The following LRRC9 variants were observed in gnomAD, a reference collection of about 807,000 sequenced individuals.
LRRC9 encodes leucine rich repeat containing 9.
In LRRC9, 122 loss-of-function variants were observed where a neutral mutation model predicts 63.2. The observed-to-expected ratio is 1.93, with a 90% CI of 1.67 to 2.24. LRRC9 has a LOEUF of 2.24. LRRC9 is among the 30% of genes most tolerant of loss of function. LRRC9 has a pLI of 0.00. For synonymous variants in LRRC9, 366 were observed against 213.1 expected (o/e 1.72, Z -6.25); for missense variants, 1,071 against 627.7 (o/e 1.71, Z -7.55).
At chr14:60,011,838 G>A (rs893202833) in intron 23 of LRRC9, among the ~76,000 whole-genome samples, 3 of 152,200 alleles carry the variant, frequency 2.0e-5, no homozygotes, top group Non-Finnish European at 4.4e-5. Flanking sequence ...ATTTGGGGGT[G>A]TAAGATGATT....
chr14:59,976,818 T>C (rs957410597), intron 13 of LRRC9, among the ~76,000 whole-genome samples: 9 of 152,214 alleles, frequency 5.9e-5, no homozygotes, highest in African/African-American at 1.9e-4. Context: ...GAAAATGAAA[T>C]GTTTATTCAT....
intron 31 of LRRC9, chr14:60,062,021 CA>C (rs1894687639): frequency 2.5e-6 from 1 of 398,402 alleles, no homozygotes; most frequent in Non-Finnish European, 4.4e-6. Flanking sequence ...ACAAAAAAAA[CA>C]AGAATGCTGG....
At position 59,978,655 on chromosome 14, in the gene LRRC9, T is replaced by C. The variant is rs80054085; in HGVS notation, c.1878+523T>C. Among the ~76,000 whole-genome samples the C allele has an allele frequency of 3.8e-3, 582 of 152,304 alleles. 4 individuals are homozygous for C. The highest frequency in any genetic ancestry group is 5.4e-3 in the Non-Finnish European group (370 of 68,002). ...TCATTATTTTGGTGGCTGCATATTA[T>C]TCAGTAATACTAATTTATTCAACTA... On this transcript the variant is annotated intron_variant, in intron 15 of 31. Transcript: ENST00000445360.
rs527625605 is a variant in LRRC9, at chr14:59,955,742, T to C, written c.883-4076T>C. On this transcript the variant is annotated intron_variant, in intron 8 of 31. Transcript: ENST00000445360. The stretch of plus-strand genomic sequence containing the variant: ...CTTAATTGTGATGTTAGGGTGTCGA[T>C]TTTAGATCTTTCTAGCTTTCTGTTG... Among the ~76,000 whole-genome samples the C allele has an allele frequency of 1.2e-4, 19 of 152,308 alleles. No individual in the cohort carries two copies. The South Asian group carries it at 3.9e-3, about 32-fold the overall frequency.
chr14:60,002,725 C>T (rs570155414), intron 20 of LRRC9, among the ~76,000 whole-genome samples: 17 of 152,218 alleles, frequency 1.1e-4, no homozygotes, highest in African/African-American at 4.1e-4. Flanking sequence ...GCCTTGACTG[C>T]GTTCGCCACA....
intron 29 of LRRC9, among the ~76,000 whole-genome samples, chr14:60,041,781 T>C (rs74552578): frequency 6.6e-6 from 1 of 152,242 alleles, no homozygotes; most frequent in African/African-American, 2.4e-5. Flanking sequence ...AGCTTTGTTC[T>C]GTTGCTGGCG....
chr14:59,943,835 A>C (rs1202085765), intron 7 of LRRC9, among the ~76,000 whole-genome samples: 2 of 152,054 alleles, frequency 1.3e-5, no homozygotes, highest in East Asian at 3.8e-4. Context: ...TAGAAAATAT[A>C]TGTCTAAGAG....
At chr14:59,994,940 A>T (rs1044265653) in intron 17 of LRRC9, among the ~76,000 whole-genome samples, 1 of 152,082 alleles carries the variant, frequency 6.6e-6, no homozygotes, top group African/African-American at 2.4e-5. Flanking sequence ...GCACACCAAC[A>T]TGGCACATGT....
rs1299964892 is a variant in LRRC9, at chr14:60,058,286, C to T, written c.4276+264C>T. ...CACTTGCAATGTGAACTTTGTGATA[C>T]TTGAACAATTATTTCCTGACATATC... is the stretch of plus-strand genomic sequence containing the variant. On this transcript the variant is annotated intron_variant, in intron 31 of 31. Coordinates refer to ENST00000445360, the Ensembl canonical transcript of LRRC9. This position sits in a 1 kb window ranked among gnomAD's most constrained non-coding sequence, Gnocchi z 4.4. 6.6e-6 allele frequency among the ~76,000 whole-genome samples: 1 copy of T among 152,062 alleles called. No homozygotes were observed. The highest frequency in any genetic ancestry group is 1.5e-5 in the Non-Finnish European group (1 of 67,976).
At chr14:59,974,184 A>C (rs1043996202) in intron 12 of LRRC9, among the ~76,000 whole-genome samples, 1 of 152,118 alleles carries the variant, frequency 6.6e-6, no homozygotes, top group African/African-American at 2.4e-5. Context: ...TATTAGCCCC[A>C]AAAATTATAG....
intron 29 of LRRC9, among the ~76,000 whole-genome samples, chr14:60,047,404 A>T (rs934429008): frequency 1.3e-5 from 2 of 152,096 alleles, no homozygotes; most frequent in Non-Finnish European, 2.9e-5. Context: ...TGTCTTTAAG[A>T]GATCCATCTC....
chr14:60,049,953 C>T (rs892263152), intron 29 of LRRC9, among the ~76,000 whole-genome samples: 1 of 151,836 alleles, frequency 6.6e-6, no homozygotes, highest in African/African-American at 2.4e-5. Context: ...TTTGTTCATG[C>T]CTTTTTGTTC....
At chr14:59,974,292 G>A (rs1471563070) in intron 12 of LRRC9, among the ~76,000 whole-genome samples, 1 of 152,070 alleles carries the variant, frequency 6.6e-6, no homozygotes, top group Non-Finnish European at 1.5e-5. Flanking sequence ...GAAAGCTATT[G>A]CTCCTGCTCC....
intron 17 of LRRC9, among the ~76,000 whole-genome samples, chr14:59,989,557 A>C (rs1265079143): frequency 6.6e-6 from 1 of 151,844 alleles, no homozygotes; most frequent in Admixed American, 6.6e-5. Flanking sequence ...TTATATTGTT[A>C]TTTTATGTCT....
intron 1 of LRRC9, among the ~76,000 whole-genome samples, chr14:59,925,379 G>T (rs1889125167): frequency 6.6e-6 from 1 of 152,178 alleles, no homozygotes; most frequent in Non-Finnish European, 1.5e-5. Flanking sequence ...GCCTCCTCTG[G>T]AGAGAAGGAA....
chr14:60,007,142 T>C (rs1889874727), intron 22 of LRRC9, among the ~76,000 whole-genome samples: 2 of 152,206 alleles, frequency 1.3e-5, no homozygotes, highest in Non-Finnish European at 2.9e-5. Flanking sequence ...CTATGGGTCT[T>C]ACACTGGCCT....
chr14:59,947,384 T>C (rs1282118576), intron 8 of LRRC9, among the ~76,000 whole-genome samples: 1 of 120,782 alleles, frequency 8.3e-6, no homozygotes, highest in Non-Finnish European at 1.7e-5. Flanking sequence ...TTTGTTTGAG[T>C]TCATTGTAGA....
In LRRC9 at chr14:59,942,405, T is replaced by C. The variant is rs1386266397; in HGVS notation, c.727-2184T>C. ...CTATGGAAGTTCTACTTTTAATTTT[T>C]TGAGAAAACGCCATCCTGTTTTTCA... is the stretch of plus-strand genomic sequence containing the variant. On this transcript the variant is annotated intron_variant, in intron 7 of 31. Coordinates refer to ENST00000445360, the Ensembl canonical transcript of LRRC9. The surrounding 1 kb of genome is among the most constrained non-coding windows in gnomAD (Gnocchi z 5.3). Among the ~76,000 whole-genome samples, 5 of 152,144 alleles carry C rather than the reference T, an allele frequency of 3.3e-5. No individual in the cohort carries two copies. The highest frequency in any genetic ancestry group is 1.2e-4 in the African/African-American group (5 of 41,446).
chr14:59,986,798 C>A lies in LRRC9; in HGVS notation c.2211+1574C>A, dbSNP rs1887519709. 6.6e-6 allele frequency among the ~76,000 whole-genome samples: 1 copy of A among 152,072 alleles called. No individual in the cohort carries two copies. The highest frequency in any genetic ancestry group is 2.1e-4 in the South Asian group (1 of 4,822). ...ATTTTCATTATCATAGCCTCACAGT[C>A]TACTTGTTAAATGACTATAACCTTA... On this transcript the variant is annotated intron_variant, in intron 17 of 31. Coordinates refer to ENST00000445360, the Ensembl canonical transcript of LRRC9. The surrounding 1 kb of genome is among the most constrained non-coding windows in gnomAD (Gnocchi z 4.7).
Sources: gnomAD v4.1 joint callset for allele counts (sites outside exome capture counted in the v4.1 genomes callset) on GRCh38, gnomAD v4.1.1 for gene constraint, Gnocchi (gnomAD v3.1) non-coding constraint, MANE v1.5 for transcripts, NCBI Gene and HGNC (gene_info 2026-07-23, HGNC 2026-07-21) for gene names.